The following SLC28A1 variants were observed in gnomAD, a reference collection of about 807,000 sequenced individuals.
SLC28A1 encodes the protein sodium/nucleoside cotransporter 1.
A neutral mutation model predicts 74.8 loss-of-function variants in SLC28A1; 64 were observed. The ratio of observed to expected loss-of-function variants is 0.86; its 90% confidence interval spans 0.70 to 1.05. SLC28A1 has a LOEUF of 1.05. Among genes scored for constraint, SLC28A1 ranks in the 50% least tolerant of loss-of-function variants. SLC28A1 has a pLI of 0.00. For synonymous variants in SLC28A1, 359 were observed against 335.0 expected (o/e 1.07, Z -0.78); for missense variants, 828 against 822.8 (o/e 1.01, Z -0.08).
chr15:84,901,536 A>G (rs1966691070), intron 6 of SLC28A1, among the ~76,000 whole-genome samples: 1 of 73,694 alleles, frequency 1.4e-5, no homozygotes, highest in Non-Finnish European at 3.6e-5. Flanking sequence ...ACAAACAAAC[A>G]AAAAACAAAA....
chr15:84,926,691 G>T, intron 12 of SLC28A1: 1 of 346,624 alleles, frequency 2.9e-6, no homozygotes, highest in Non-Finnish European at 5.7e-6. Flanking sequence ...GTAGCATTCA[G>T]CATGAGAGTG....
intron 8 of SLC28A1, among the ~76,000 whole-genome samples, chr15:84,905,940 A>C (rs1335784548): frequency 6.9e-6 from 1 of 145,824 alleles, no homozygotes; most frequent in Non-Finnish European, 1.5e-5. Context: ...CTAAAAAAAA[A>C]AACCCAAATC....
intron 15 of SLC28A1, among the ~76,000 whole-genome samples, chr15:84,937,101 G>A (rs184417788): frequency 5.3e-5 from 8 of 149,628 alleles, no homozygotes; most frequent in South Asian, 2.1e-4. Context: ...AGTTTCTGTC[G>A]TAGCAGCCAA....
chr15:84,972,944 G>C, the SLC28A1 span, among the ~76,000 whole-genome samples: 1 of 152,180 alleles, frequency 6.6e-6, no homozygotes. Flanking sequence ...CCTCCCAGGA[G>C]CCTCCTCTCT....
the SLC28A1 span, among the ~76,000 whole-genome samples, chr15:84,970,844 C>A: frequency 1.3e-5 from 2 of 150,588 alleles, no homozygotes; most frequent in Non-Finnish European, 3.0e-5. Context: ...CAAAAAAAAA[C>A]AAAAACAAAA....
intron 13 of SLC28A1, among the ~76,000 whole-genome samples, chr15:84,933,806 C>G (rs1971579449): frequency 6.6e-6 from 1 of 152,162 alleles, no homozygotes. Context: ...GAAACCCCAT[C>G]TCTATTTAAA....
intron 1 of SLC28A1, chr15:84,886,166 A>G (rs1281304127): frequency 2.0e-6 from 2 of 985,236 alleles, no homozygotes; most frequent in Non-Finnish European, 2.4e-6. Flanking sequence ...TGAAGGGGAA[A>G]TGGTGTGATT....
intron 6 of SLC28A1, among the ~76,000 whole-genome samples, chr15:84,900,911 G>GAAGGAAGGAAGGAAGGAAGT (rs1178592160): frequency 9.0e-5 from 11 of 122,058 alleles, no homozygotes; most frequent in African/African-American, 2.2e-4. Flanking sequence ...AGGAAGGAAG[G>GAAGGAAGGAAGGAAGGAAGT]AAGTTAGTTG....
the SLC28A1 span, among the ~76,000 whole-genome samples, chr15:84,956,346 T>C: frequency 6.6e-6 from 1 of 152,194 alleles, no homozygotes; most frequent in Non-Finnish European, 1.5e-5. Flanking sequence ...GACTTGTGCA[T>C]TGGTGAGCCA....
At chr15:84,946,112 A>ATATATATATATATAT (rs57190791), downstream of SLC28A1, among the ~76,000 whole-genome samples, 1 of 13,482 alleles carries the variant, frequency 7.4e-5, no homozygotes, top group African/African-American at 3.3e-4. Flanking sequence ...ATATATATAT[A>ATATATATATATATAT]TTTTTTTTTT....
At chr15:84,938,698 G>A (rs1480454557) in intron 15 of SLC28A1, among the ~76,000 whole-genome samples, 1 of 150,682 alleles carries the variant, frequency 6.6e-6, no homozygotes, top group Non-Finnish European at 1.5e-5. Context: ...GAAAGCAAAG[G>A]AACAAAAATT....
chr15:84,896,736 T>C (rs891295286), intron 6 of SLC28A1, among the ~76,000 whole-genome samples: 1 of 152,080 alleles, frequency 6.6e-6, no homozygotes, highest in African/African-American at 2.4e-5. Context: ...GTCTATAAAC[T>C]GAAAAATGGA....
intron 5 of SLC28A1, among the ~76,000 whole-genome samples, chr15:84,893,128 C>T (rs949776684): frequency 1.3e-5 from 2 of 151,954 alleles, no homozygotes; most frequent in African/African-American, 4.8e-5. Flanking sequence ...GGCGCACAGA[C>T]CTTCTTGGCC....
At chr15:84,902,428 C>T (rs1966775140) in intron 6 of SLC28A1, among the ~76,000 whole-genome samples, 1 of 150,970 alleles carries the variant, frequency 6.6e-6, no homozygotes, top group Non-Finnish European at 1.5e-5. Context: ...TGCAGTGAGC[C>T]GAGATCGTGC....
At chr15:84,930,331 A>C (rs930490481) in intron 12 of SLC28A1, among the ~76,000 whole-genome samples, 1 of 152,178 alleles carries the variant, frequency 6.6e-6, no homozygotes. Flanking sequence ...TCCAGAGAGG[A>C]CACCTGCCCC....
intron 6 of SLC28A1, chr15:84,895,632 A>G: frequency 6.9e-7 from 1 of 1,451,632 alleles, no homozygotes; most frequent in Non-Finnish European, 9.1e-7. Context: ...GCGATGTCAC[A>G]GGGCAGGAGA....
At chr15:84,923,078 C>T (rs1970035371) in intron 11 of SLC28A1, among the ~76,000 whole-genome samples, 1 of 152,218 alleles carries the variant, frequency 6.6e-6, no homozygotes, top group Non-Finnish European at 1.5e-5. Context: ...GCTGGGATTA[C>T]TGACATGTGT....
intron 5 of SLC28A1, among the ~76,000 whole-genome samples, chr15:84,893,935 C>T (rs1362416469): frequency 6.6e-6 from 1 of 152,222 alleles, no homozygotes; most frequent in East Asian, 1.9e-4. Flanking sequence ...GGCGCTTTCT[C>T]TGTGATACCA....
intron 6 of SLC28A1, chr15:84,895,650 T>C: frequency 2.1e-6 from 3 of 1,416,128 alleles, no homozygotes; most frequent in Non-Finnish European, 2.8e-6. Context: ...AGAGGGAGGT[T>C]GTGGAGGGAA....
Sources: gnomAD v4.1 joint callset for allele counts (sites outside exome capture counted in the v4.1 genomes callset) on GRCh38, gnomAD v4.1.1 for gene constraint, MANE v1.5 for transcripts, NCBI Gene and HGNC (gene_info 2026-07-23, HGNC 2026-07-21) for gene names.